Variants in SSH1 observed in about 807,000 individuals in gnomAD.
The protein encoded by SSH1 is protein phosphatase Slingshot homolog 1.
SSH1 carries 43 observed loss-of-function variants against 79.7 expected under a neutral mutation model. The observed-to-expected ratio is 0.54, with a 90% CI of 0.42 to 0.70. The LOEUF is 0.70. Ranked by LOEUF, SSH1 falls within the 30% of genes least tolerant of loss-of-function variation. SSH1 has a pLI of 0.00. For synonymous variants in SSH1, 599 were observed against 538.3 expected (o/e 1.11, Z -1.56); for missense variants, 1,206 against 1,358.8 (o/e 0.89, Z 1.77).
intron 1 of SSH1, among the ~76,000 whole-genome samples, chr12:108,856,403 C>A (rs915081643): frequency 2.0e-5 from 3 of 152,182 alleles, no homozygotes; most frequent in Non-Finnish European, 4.4e-5. Flanking sequence ...CGGACCTGGG[C>A]CACACACAGA....
rs143986300 is a variant in SSH1 at position 108,831,316 on chromosome 12, T to G, written c.111-7955A>C. On this transcript the variant is annotated intron_variant, in intron 2 of 14. Transcript: ENST00000326495. ...TGGTAATTCTAGGAGAAAAAGGAAC[T>G]AATGTAATGCTGTCAGCATAGAAAG... Among the ~76,000 whole-genome samples the G allele has an allele frequency of 3.1e-3, 475 of 152,316 alleles. 4 individuals carry two copies. The highest frequency in any genetic ancestry group is 0.01 in the African/African-American group (430 of 41,574).
chr12:108,846,703 T>G (rs1042376242), intron 2 of SSH1, among the ~76,000 whole-genome samples: 1 of 152,226 alleles, frequency 6.6e-6, no homozygotes. Flanking sequence ...CTTATAGGAA[T>G]GTAGCCGGGT....
chr12:108,801,187 G>A (rs917119048), intron 11 of SSH1, among the ~76,000 whole-genome samples: 2 of 152,102 alleles, frequency 1.3e-5, no homozygotes, highest in African/African-American at 4.8e-5. Context: ...TCAGTTTAAA[G>A]CATTCTGGAA....
At chr12:108,846,506 G>C (rs551540290) in intron 2 of SSH1, among the ~76,000 whole-genome samples, 68 of 152,336 alleles carry the variant, frequency 4.5e-4, no homozygotes, top group Non-Finnish European at 9.7e-4. Flanking sequence ...GACTACGAGC[G>C]GCCAGCAGCA....
intron 7 of SSH1, among the ~76,000 whole-genome samples, chr12:108,808,641 A>G (rs1057504408): frequency 3.3e-5 from 5 of 152,194 alleles, no homozygotes; most frequent in Non-Finnish European, 7.3e-5. Context: ...CCTGCATTCT[A>G]AATAATTACA....
chr12:108,818,828 A>G (rs943538338), intron 3 of SSH1, among the ~76,000 whole-genome samples: 1 of 152,150 alleles, frequency 6.6e-6, no homozygotes, highest in African/African-American at 2.4e-5. Context: ...ATCTCAGCTC[A>G]CTGCAACCTC....
At chr12:108,811,491 T>G (rs2037594840) in intron 5 of SSH1, 163 bp from the exon 6 acceptor site, 1 of 706,424 alleles carries the variant, frequency 1.4e-6, no homozygotes, top group African/African-American at 1.7e-5. Context: ...GACACAGGTC[T>G]GGGATGGCCC....
intron 13 of SSH1, 127 bp from the exon 14 acceptor site, chr12:108,792,956 T>A (rs2036578950): frequency 3.6e-6 from 4 of 1,103,082 alleles, no homozygotes; most frequent in Non-Finnish European, 5.3e-6. Flanking sequence ...CCATGGCTCA[T>A]TCAGGTAAAG....
At chr12:108,823,182 A>G in intron 3 of SSH1, 76 bp downstream of exon 3, 2 of 1,415,546 alleles carry the variant, frequency 1.4e-6, no homozygotes, top group Admixed American at 3.9e-5. Context: ...ACTCAGCAAC[A>G]TCACCAACAA....
intron 7 of SSH1, among the ~76,000 whole-genome samples, chr12:108,808,717 T>C (rs758366175): frequency 3.3e-4 from 50 of 152,294 alleles, no homozygotes; most frequent in Non-Finnish European, 6.3e-4. Context: ...GAAAACAAGT[T>C]CTAGAAAGTC....
At chr12:108,798,648 A>T (rs1021365252) in intron 13 of SSH1, among the ~76,000 whole-genome samples, 1 of 152,224 alleles carries the variant, frequency 6.6e-6, no homozygotes, top group Non-Finnish European at 1.5e-5. Context: ...GCTGGTGCAC[A>T]GGGCTTGGCA....
intron 1 of SSH1, among the ~76,000 whole-genome samples, chr12:108,855,167 A>C (rs1400898817): frequency 6.6e-6 from 1 of 152,260 alleles, no homozygotes; most frequent in East Asian, 1.9e-4. Context: ...AAAAGGAATG[A>C]AGTACTGCCA....
At position 108,836,397 on chromosome 12, in the gene SSH1, C is replaced by G. The variant is rs78716430; in HGVS notation, c.111-13036G>C. On this transcript the variant is annotated intron_variant, in intron 2 of 14. Transcript: ENST00000326495. ...CATTTTCCACTAAAAGGAACCAGAGCCCCTTGGATAAAGGACTGATTCCAC... is the reference window on the plus strand; with the variant it reads ...CATTTTCCACTAAAAGGAACCAGAGGCCCTTGGATAAAGGACTGATTCCAC... 2.4e-3 allele frequency among the ~76,000 whole-genome samples: 360 copies of G among 152,230 alleles called. 2 individuals are homozygous for G. The highest frequency in any genetic ancestry group is 8.1e-3 in the African/African-American group (335 of 41,530).
At chr12:108,821,892 C>G (rs1012169791) in intron 3 of SSH1, among the ~76,000 whole-genome samples, 1 of 152,134 alleles carries the variant, frequency 6.6e-6, no homozygotes, top group Admixed American at 6.5e-5. Context: ...AAAATGTTCA[C>G]AAGAAAACTG....
intron 5 of SSH1, among the ~76,000 whole-genome samples, chr12:108,814,876 C>G (rs1330941379): frequency 6.6e-6 from 1 of 151,864 alleles, no homozygotes; most frequent in Non-Finnish European, 1.5e-5. Context: ...GCGGTGCGGA[C>G]GAGCGCACGG....
Position 108,799,111 on chromosome 12 carries a change from C to T in SSH1, c.1238G>A (p.Gly413Asp), listed in dbSNP as rs1267279699. The T allele has an allele frequency of 3.7e-6, 6 of 1,614,208 alleles. No individual in the cohort carries two copies. Among genetic ancestry groups the T allele is most frequent in the Non-Finnish European group, 5.1e-6 (6 of 1,180,044 alleles). The change falls in exon 13 of 15, where the codon GGC becomes GAC. Residue 413 changes from glycine (G) to aspartate (D), a missense_variant. By Grantham distance (94) the Gly-to-Asp change is moderately conservative. Transcript: ENST00000326495. Reference protein sequence around the residue: ...TVIAYAMKEFGWPLEKAYNYV... With the variant: ...TVIAYAMKEFDWPLEKAYNYV... The stretch of plus-strand genomic sequence containing the variant: ...GTTATATGCTTTTTCCAGAGGCCAG[C>T]CGAATTCCTTCATTGCATAGGCTAT...
intron 3 of SSH1, among the ~76,000 whole-genome samples, chr12:108,819,932 GAGA>G (rs1271301653): frequency 6.6e-6 from 1 of 152,192 alleles, no homozygotes; most frequent in African/African-American, 2.4e-5. Context: ...CATTTTAAGG[GAGA>G]AGGACAGATG....
At chr12:108,837,375 C>T (rs370502303) in intron 2 of SSH1, among the ~76,000 whole-genome samples, 5 of 152,152 alleles carry the variant, frequency 3.3e-5, no homozygotes, top group African/African-American at 1.2e-4. Flanking sequence ...TGAAGGACAA[C>T]GCTGGGACAT....
intron 1 of SSH1, among the ~76,000 whole-genome samples, chr12:108,854,823 C>T (rs1364437274): frequency 6.6e-6 from 1 of 152,270 alleles, no homozygotes; most frequent in Middle Eastern, 3.4e-3. Flanking sequence ...GCAACTCAAG[C>T]GAGGGCGGAC....
Sources: allele counts gnomAD v4.1 joint callset (sites outside exome capture counted in the v4.1 genomes callset), GRCh38; gene constraint gnomAD v4.1.1; transcripts MANE v1.5; gene names NCBI Gene and HGNC (gene_info 2026-07-23, HGNC 2026-07-21).